CDH20: variants seen among roughly 807,000 people sequenced by gnomAD.
The protein encoded by CDH20 is cadherin 20, also known as cadherin-20.
Under a neutral mutation model 74.2 loss-of-function variants are expected in CDH20, and 29 were observed. The observed-to-expected ratio is 0.39, with a 90% CI of 0.29 to 0.53. The LOEUF (loss-of-function observed/expected upper bound fraction) is 0.53, where lower values mean the gene tolerates loss of function less well. CDH20 is among the 20% of genes least tolerant of loss of function. The probability of loss-of-function intolerance (pLI) is 0.69; values close to 1 mark genes in which losing one functional copy is unlikely to be tolerated. For missense variants in CDH20, 988 were observed against 1,048.3 expected (o/e 0.94, Z 0.79); for synonymous variants, 469 against 405.4 (o/e 1.16, Z -1.88).
At chr18:61,434,607 T>A (rs1349086138) in intron 1 of CDH20, among the ~76,000 whole-genome samples, 1 of 151,952 alleles carries the variant, frequency 6.6e-6, no homozygotes, top group African/African-American at 2.4e-5. Flanking sequence ...TACCCACTTC[T>A]CCCTGCTGCA....
At chr18:61,479,538 G>A (rs938823735) in intron 1 of CDH20, among the ~76,000 whole-genome samples, 12 of 152,076 alleles carry the variant, frequency 7.9e-5, no homozygotes, top group Non-Finnish European at 1.6e-4. Flanking sequence ...ATGGATAAAT[G>A]TTGTTTTCTA....
chr18:61,392,135 C>G (rs953484772), intron 1 of CDH20, among the ~76,000 whole-genome samples: 2 of 152,122 alleles, frequency 1.3e-5, no homozygotes, highest in Admixed American at 6.6e-5. Flanking sequence ...TCTTGCCTCT[C>G]TCTCCCACTT....
At chr18:61,401,067 T>A (rs1912136181) in intron 1 of CDH20, among the ~76,000 whole-genome samples, 1 of 152,204 alleles carries the variant, frequency 6.6e-6, no homozygotes, top group African/African-American at 2.4e-5. Context: ...CATATCAAAC[T>A]ATGCTCTCCG....
chr18:61,450,173 T>C (rs966876125), intron 1 of CDH20, among the ~76,000 whole-genome samples: 3 of 151,966 alleles, frequency 2.0e-5, no homozygotes, highest in Non-Finnish European at 2.9e-5. Context: ...ATTAAATAGG[T>C]ACCACTATTA....
intron 1 of CDH20, among the ~76,000 whole-genome samples, chr18:61,414,465 AT>A (rs931109060): frequency 3.3e-5 from 5 of 152,158 alleles, no homozygotes; most frequent in African/African-American, 9.6e-5. Flanking sequence ...GTTTAATTAG[AT>A]TTTTTATAGA....
At chr18:61,420,364 T>G (rs952257018) in intron 1 of CDH20, among the ~76,000 whole-genome samples, 3 of 151,986 alleles carry the variant, frequency 2.0e-5, no homozygotes, top group African/African-American at 7.3e-5. Context: ...AGGCTTTTTT[T>G]TTTTTTTTTC....
intron 5 of CDH20, among the ~76,000 whole-genome samples, chr18:61,503,823 A>G (rs1010867458): frequency 6.6e-6 from 1 of 152,264 alleles, no homozygotes; most frequent in Non-Finnish European, 1.5e-5. Context: ...CCTCCACAGA[A>G]GGATGAGATT....
chr18:61,510,214 G>T (rs961810674), intron 6 of CDH20, among the ~76,000 whole-genome samples: 10 of 152,128 alleles, frequency 6.6e-5, no homozygotes, highest in Non-Finnish European at 1.0e-4. Flanking sequence ...AAAGGACAGT[G>T]AAACGAGCCC....
intron 1 of CDH20, among the ~76,000 whole-genome samples, chr18:61,349,771 A>C (rs998429858): frequency 1.3e-5 from 2 of 152,148 alleles, no homozygotes; most frequent in Non-Finnish European, 2.9e-5. Flanking sequence ...TGAAAAAAAA[A>C]AAAAGAGAGA....
At chr18:61,344,857 T>A (rs1910065016) in intron 1 of CDH20, among the ~76,000 whole-genome samples, 2 of 152,216 alleles carry the variant, frequency 1.3e-5, no homozygotes, top group South Asian at 2.1e-4. Flanking sequence ...GGGTTTTTTT[T>A]AAAGATAATT....
chr18:61,396,490 A>G (rs1911982232), intron 1 of CDH20, among the ~76,000 whole-genome samples: 1 of 152,052 alleles, frequency 6.6e-6, no homozygotes, highest in African/African-American at 2.4e-5. Context: ...ATCACAGCCC[A>G]CTGATATTTC....
Position 61,549,969 on chromosome 18 carries a change from T to G in CDH20, c.1649-9T>G, listed in dbSNP as rs747144733. 12 of 1,605,764 alleles carry G rather than the reference T, an allele frequency of 7.5e-6. No individual in the cohort carries two copies. Among genetic ancestry groups the G allele is most frequent in the Non-Finnish European group, 1.0e-5 (12 of 1,173,372 alleles). On this transcript the variant is annotated splice_polypyrimidine_tract_variant and intron_variant, in intron 10 of 11. Transcript: ENST00000262717. ...CCTTTTCCAATCCTGGAACCCCTCC[T>G]TCTTTCAGATAACACAGCACGGATT...
intron 1 of CDH20, among the ~76,000 whole-genome samples, chr18:61,463,125 A>G (rs1207975324): frequency 6.6e-6 from 1 of 152,110 alleles, no homozygotes; most frequent in African/African-American, 2.4e-5. Flanking sequence ...CCCTTGGAGT[A>G]CCATTTCAAG....
intron 1 of CDH20, among the ~76,000 whole-genome samples, chr18:61,348,156 T>C (rs1467826927): frequency 6.6e-6 from 1 of 152,180 alleles, no homozygotes; most frequent in Non-Finnish European, 1.5e-5. Context: ...TGTTTTTAAG[T>C]CAAAGTGTGT....
chr18:61,515,390 G>A (rs983013879), intron 6 of CDH20, among the ~76,000 whole-genome samples: 22 of 152,036 alleles, frequency 1.4e-4, no homozygotes, highest in Middle Eastern at 3.4e-3. Context: ...ACTGACCTGC[G>A]CCCACTGTCT....
chr18:61,520,140 C>A (rs1912145788), intron 6 of CDH20, among the ~76,000 whole-genome samples: 1 of 149,992 alleles, frequency 6.7e-6, no homozygotes, highest in South Asian at 2.1e-4. Context: ...CACGATGAAA[C>A]CCCATCTCTA....
At chr18:61,522,528 C>G (rs1322244149) in intron 6 of CDH20, among the ~76,000 whole-genome samples, 1 of 152,182 alleles carries the variant, frequency 6.6e-6, no homozygotes, top group East Asian at 1.9e-4. Context: ...CCTCATTAAG[C>G]TACCACTGAC....
chr18:61,552,368 T>C (rs1387203253), intron 11 of CDH20, among the ~76,000 whole-genome samples: 3 of 152,030 alleles, frequency 2.0e-5, no homozygotes, highest in African/African-American at 7.2e-5. Flanking sequence ...ATTTGTTATG[T>C]AATATTTGTT....
chr18:61,405,007 C>T, intron 1 of CDH20: 2 of 704,690 alleles, frequency 2.8e-6, no homozygotes, highest in Non-Finnish European at 5.3e-6. Flanking sequence ...CCAGTTTTGA[C>T]CAACATTGCA....
Sources: allele counts gnomAD v4.1 joint callset (sites outside exome capture counted in the v4.1 genomes callset), GRCh38; gene constraint gnomAD v4.1.1; transcripts MANE v1.5; gene names NCBI Gene and HGNC (gene_info 2026-07-23, HGNC 2026-07-21).